The following TAF4 variants were observed in gnomAD, a reference collection of about 807,000 sequenced individuals.
The protein encoded by TAF4 is TATA-box binding protein associated factor 4, also known as transcription initiation factor TFIID subunit 4.
A neutral mutation model predicts 90.3 loss-of-function variants in TAF4; 9 were observed. The ratio of observed to expected loss-of-function variants is 0.10; its 90% CI spans 0.06 to 0.17. The LOEUF (loss-of-function observed/expected upper bound fraction) is 0.17. TAF4 is among the 10% of genes least tolerant of loss of function. The probability of loss-of-function intolerance (pLI) is 1.00; values close to 1 mark genes in which losing one functional copy is unlikely to be tolerated. For synonymous variants in TAF4, 818 were observed against 638.9 expected, an observed-to-expected ratio of 1.28 and a Z score of -4.23; for missense variants, 1,351 against 1,370.7, an observed-to-expected ratio of 0.99 and a Z score of 0.23.
Position 62,009,057 on chromosome 20 carries a change from A to G in TAF4, c.1879T>C (p.Leu627=), listed in dbSNP as rs371028925. Residue 627 remains leucine (L), a synonymous_variant, in exon 5 of 15, where the codon TTA becomes CTA. Transcript: ENST00000252996. ...AANVKELVQN[L]LDGKIEAEDF... ...GTAAAGTCAAGGTTTCTCACCAGTA[A>G]ATTCTGCACGAGCTCTTTCACATTA... 1.2e-6 allele frequency: 2 copies of G among 1,611,648 alleles called. No homozygotes were observed. The highest frequency in any genetic ancestry group is 1.7e-6 in the Non-Finnish European group (2 of 1,179,248).
rs549654997 is a variant in TAF4, at chr20:62,026,067, C to T, written c.1361-11360G>A. 7.9e-4 allele frequency among the ~76,000 whole-genome samples: 121 copies of T among 152,270 alleles called. 1 individual carries two copies. The highest frequency in any genetic ancestry group is 1.4e-3 in the Non-Finnish European group (93 of 68,016). On this transcript the variant is annotated intron_variant, in intron 1 of 14. Coordinates refer to ENST00000252996, the MANE Select transcript of TAF4 (RefSeq NM_003185.4). ...GAGCAAGAAAAAGGTACAACCCTCC[C>T]GGCAAAAAATAACGGAAAGCATAGT...
At chr20:61,993,998 G>T (rs147126832) in intron 14 of TAF4, among the ~76,000 whole-genome samples, 2,303 of 151,908 alleles carry the variant, frequency 0.015, 35 homozygotes, top group Non-Finnish European at 0.019. Flanking sequence ...TGATCCACCC[G>T]CCTCGGCCTC....
chr20:61,977,591 C>T (rs964843528), intron 14 of TAF4, among the ~76,000 whole-genome samples: 2 of 152,108 alleles, frequency 1.3e-5, no homozygotes, highest in African/African-American at 4.8e-5. Context: ...GTGTCTCTGA[C>T]CCACTGCATT....
intron 1 of TAF4, among the ~76,000 whole-genome samples, chr20:62,049,222 G>C (rs996770740): frequency 6.6e-6 from 1 of 152,068 alleles, no homozygotes; most frequent in South Asian, 2.1e-4. Flanking sequence ...CCACCATCAG[G>C]ATGTGCCGAG....
At chr20:62,026,408 G>C (rs886987692) in intron 1 of TAF4, among the ~76,000 whole-genome samples, 3 of 152,162 alleles carry the variant, frequency 2.0e-5, no homozygotes, top group Non-Finnish European at 2.9e-5. Context: ...AGCTGCAGGG[G>C]TTCTCAGCTC....
intron 14 of TAF4, among the ~76,000 whole-genome samples, chr20:61,984,137 G>A (rs2055567570): frequency 6.6e-6 from 1 of 152,194 alleles, no homozygotes; most frequent in African/African-American, 2.4e-5. Context: ...GGAAGACTGA[G>A]CGACCTCATC....
Position 62,027,880 on chromosome 20 carries a change from G to A in TAF4, c.1361-13173C>T, listed in dbSNP as rs553993450. Among the ~76,000 whole-genome samples the A allele has an allele frequency of 3.5e-4, 53 of 152,328 alleles. 1 individual carries two copies. The South Asian group carries it at 8.1e-3, about 23-fold the overall frequency. ...AACAGTGACTGAGAAACAGCCTCCC[G>A]CCTGCCCCTTGACCCCTCTCAGTTC... On this transcript the variant is annotated intron_variant, in intron 1 of 14. Coordinates refer to ENST00000252996, the MANE Select transcript of TAF4 (RefSeq NM_003185.4).
In TAF4 at chr20:62,048,511, C is replaced by T. The variant is rs145030727; in HGVS notation, c.1360+15940G>A. ...GCTCTTCCCCTAACAGAGGTGCTCC[C>T]ACTCTCATGCAACACAAACCCACTG... On this transcript the variant is annotated intron_variant, in intron 1 of 14. Coordinates refer to ENST00000252996, the MANE Select transcript of TAF4 (RefSeq NM_003185.4). 2.1e-3 allele frequency among the ~76,000 whole-genome samples: 326 copies of T among 152,208 alleles called. 3 individuals carry two copies. Among genetic ancestry groups the T allele is most frequent in the Non-Finnish European group, 2.4e-3 (160 of 67,988 alleles).
At chr20:62,056,228 C>T (rs2056062957) in intron 1 of TAF4, among the ~76,000 whole-genome samples, 1 of 152,018 alleles carries the variant, frequency 6.6e-6, no homozygotes, top group African/African-American at 2.4e-5. Flanking sequence ...TGGAGTGAGA[C>T]TCTGTCTCGA....
At chr20:62,013,717 G>A (rs1363142080) in intron 2 of TAF4, among the ~76,000 whole-genome samples, 1 of 152,224 alleles carries the variant, frequency 6.6e-6, no homozygotes, top group Non-Finnish European at 1.5e-5. Flanking sequence ...GCATCACAGT[G>A]CCAGGGAAAC....
chr20:61,998,201 G>A lies in TAF4; in HGVS notation c.2914-9C>T, dbSNP rs919682476. 2 of 1,610,652 alleles carry A rather than the reference G, an allele frequency of 1.2e-6. No homozygotes were observed. The highest frequency in any genetic ancestry group is 3.4e-5 in the Admixed American group (2 of 59,088). ...TCTTGTCTTGACCGAGACTATTTTT[G>A]AAAGAGGCAGAAAAGAAAAGTAAGT... On this transcript the variant is annotated splice_polypyrimidine_tract_variant and intron_variant, in intron 12 of 14. Coordinates refer to ENST00000252996, the MANE Select transcript of TAF4 (RefSeq NM_003185.4).
At chr20:62,064,276 G>C in intron 1 of TAF4, 175 bp downstream of exon 1, 1 of 672,478 alleles carries the variant, frequency 1.5e-6, no homozygotes, top group Non-Finnish European at 2.1e-6. Context: ...TGGCTCACTC[G>C]CAGACAGCCA....
intron 1 of TAF4, among the ~76,000 whole-genome samples, chr20:62,034,669 T>C (rs950601504): frequency 3.9e-5 from 6 of 151,958 alleles, no homozygotes; most frequent in African/African-American, 1.5e-4. Context: ...ATAGCAGCAA[T>C]GAACTCAGAA....
In TAF4 at chr20:62,014,628, G is replaced by T. The variant is rs1235860995; in HGVS notation, c.1440C>A (p.Ala480=). The part of the protein sequence containing the change: ...QQALAQMQAQ[A]HAQPQTTMAP... ...CCATGGTGGTCTGAGGCTGGGCATG[G>T]GCCTGCGCCTGCATCTGGGCCAAGG... Residue 480 remains alanine, a synonymous_variant, in exon 2 of 15, where the codon GCC becomes GCA. Transcript: ENST00000252996. The T allele has an allele frequency of 6.2e-7, 1 of 1,614,070 alleles. No homozygotes were observed. Among genetic ancestry groups the T allele is most frequent in the Non-Finnish European group, 8.5e-7 (1 of 1,180,008 alleles).
Position 62,006,334 on chromosome 20 carries a change from G to C in TAF4, c.2223+176C>G. The C allele has an allele frequency of 2.3e-6, 2 of 876,640 alleles. No individual in the cohort carries two copies. Among genetic ancestry groups the C allele is most frequent in the Non-Finnish European group, 3.0e-6 (2 of 657,708 alleles). The allele number at this position is 876,640 out of a possible 1,614,324, so 54.3% of individuals were successfully genotyped here. A position where few individuals can be genotyped will look rare whatever the true frequency, so the allele number is the denominator to read the frequency against. ...TACTGAGACAAAATACAACATCCCA[G>C]GGCCTCAACCTCTGGTTTCTATTTT... On this transcript the variant is annotated intron_variant, in intron 7 of 14. Coordinates refer to ENST00000252996, the MANE Select transcript of TAF4 (RefSeq NM_003185.4). The surrounding 1 kb of genome is among the most constrained non-coding windows in gnomAD (Gnocchi z 7.0).
intron 1 of TAF4, among the ~76,000 whole-genome samples, chr20:62,047,970 G>A (rs1293943828): frequency 1.3e-5 from 2 of 152,122 alleles, no homozygotes; most frequent in African/African-American, 4.8e-5. Flanking sequence ...CCCACATCAG[G>A]GCCATCCCAG....
chr20:62,037,677 T>G (rs896960576), intron 1 of TAF4: 6 of 194,400 alleles, frequency 3.1e-5, no homozygotes, highest in Non-Finnish European at 6.6e-5. Flanking sequence ...TTTTTAATTG[T>G]GTGCAGCAAA....
chr20:62,004,329 T>TTTC (rs71331937), intron 7 of TAF4, among the ~76,000 whole-genome samples: 2 of 30,770 alleles, frequency 6.5e-5, no homozygotes, highest in East Asian at 1.4e-3. Context: ...TTTTCTTTTC[T>TTTC]TTTTTTTTTT....
chr20:62,065,150 C>G lies in TAF4; in HGVS notation c.661G>C (p.Gly221Arg), dbSNP rs1416266688. 6.7e-6 allele frequency: 8 copies of G among 1,197,428 alleles called. No homozygotes were observed. In the South Asian group the frequency reaches 8.6e-5, roughly 13 times the overall value. 74.2% of individuals were successfully genotyped at this position (1,197,428 alleles called of 1,614,324 possible). A position where few individuals can be genotyped will look rare whatever the true frequency, so the allele number is the denominator to read the frequency against. The change falls in exon 1 of 15, where the codon GGG (glycine) becomes CGG (arginine). Residue 221 changes from glycine (G) to arginine (R), a missense_variant. Coordinates refer to ENST00000252996, the MANE Select transcript of TAF4 (RefSeq NM_003185.4). ...GGCAGCGGCAGCAGCGCGGCGGGCC[C>G]GTTGTTGACCAGGCTGACAGCAGGT... The part of the protein sequence containing the change: ...AAPAVSLVNN[G>R]PAALLPLPKP...
Sources: gnomAD v4.1 joint callset for allele counts (sites outside exome capture counted in the v4.1 genomes callset) on GRCh38, gnomAD v4.1.1 for gene constraint, Gnocchi (gnomAD v3.1) non-coding constraint, MANE v1.5 for transcripts, NCBI Gene and HGNC (gene_info 2026-07-23, HGNC 2026-07-21) for gene names.